The following CNTN5 variants were observed in gnomAD, a reference collection of about 807,000 sequenced individuals.
CNTN5 encodes the protein contactin 5.
A neutral mutation model predicts 129.1 loss-of-function variants in CNTN5; 77 were observed. The ratio of observed to expected loss-of-function variants is 0.60; its 90% CI spans 0.50 to 0.72. The LOEUF is 0.72. Among genes scored for constraint, CNTN5 ranks in the 30% least tolerant of loss-of-function variants. The pLI is 0.00. For missense variants in CNTN5, 1,478 were observed against 1,328.8 expected (o/e 1.11, Z -1.75); for synonymous variants, 509 against 465.6 (o/e 1.09, Z -1.20).
intron 3 of CNTN5, among the ~76,000 whole-genome samples, chr11:99,665,259 A>G (rs1333181685): frequency 6.6e-6 from 1 of 152,166 alleles, no homozygotes; most frequent in African/African-American, 2.4e-5. Flanking sequence ...TCAAAACTGA[A>G]CAATTTTGAT....
chr11:99,148,201 G>T (rs1406566663), intron 1 of CNTN5, among the ~76,000 whole-genome samples: 1 of 152,010 alleles, frequency 6.6e-6, no homozygotes, highest in African/African-American at 2.4e-5. Context: ...AAAATAAATG[G>T]TTCATCAGTG....
chr11:100,070,352 C>T, intron 10 of CNTN5, 72 bp from the exon 11 acceptor site: 3 of 1,441,808 alleles, frequency 2.1e-6, no homozygotes, highest in South Asian at 1.3e-5. Context: ...TGAATTTTTC[C>T]ATGTAAATTT....
At chr11:99,408,682 C>T (rs1942250534) in intron 2 of CNTN5, among the ~76,000 whole-genome samples, 1 of 151,900 alleles carries the variant, frequency 6.6e-6, no homozygotes, top group South Asian at 2.1e-4. Flanking sequence ...ATTATCTTGC[C>T]CCATAAATTA....
intron 1 of CNTN5, among the ~76,000 whole-genome samples, chr11:99,249,614 G>T (rs191850581): frequency 9.9e-5 from 15 of 152,028 alleles, no homozygotes; most frequent in African/African-American, 3.6e-4. Context: ...TTTAAAAAGG[G>T]TATGTTATTT....
intron 15 of CNTN5, among the ~76,000 whole-genome samples, chr11:100,216,224 G>A (rs1445349746): frequency 6.6e-6 from 1 of 152,212 alleles, no homozygotes; most frequent in East Asian, 1.9e-4. Context: ...AAACCTACAG[G>A]CAGGTATCTG....
At chr11:100,350,328 C>G (rs371332348) in intron 23 of CNTN5, among the ~76,000 whole-genome samples, 1 of 151,694 alleles carries the variant, frequency 6.6e-6, no homozygotes, top group African/African-American at 2.4e-5. Context: ...TCCCATATAT[C>G]CCCTCTCCAT....
chr11:99,811,993 C>T (rs1445967954), intron 3 of CNTN5, among the ~76,000 whole-genome samples: 1 of 152,080 alleles, frequency 6.6e-6, no homozygotes, highest in African/African-American at 2.4e-5. Flanking sequence ...GGGTAAGATG[C>T]TAATTATCCG....
chr11:100,141,448 G>T (rs1946695263), intron 13 of CNTN5, among the ~76,000 whole-genome samples: 1 of 152,130 alleles, frequency 6.6e-6, no homozygotes, highest in Non-Finnish European at 1.5e-5. Context: ...GAGCACAGGG[G>T]TGTTCTTTTG....
chr11:100,136,593 A>G (rs1166554723), intron 13 of CNTN5, among the ~76,000 whole-genome samples: 2 of 152,064 alleles, frequency 1.3e-5, no homozygotes, highest in East Asian at 1.9e-4. Flanking sequence ...TACAAAAAAA[A>G]TCATATGAAT....
chr11:99,437,862 G>A (rs939588552), intron 2 of CNTN5, among the ~76,000 whole-genome samples: 3 of 151,964 alleles, frequency 2.0e-5, no homozygotes, highest in Non-Finnish European at 4.4e-5. Flanking sequence ...TAATTTGAAA[G>A]GGTAAAAACT....
intron 3 of CNTN5, among the ~76,000 whole-genome samples, chr11:99,580,377 A>G (rs375097605): frequency 6.6e-6 from 1 of 152,118 alleles, no homozygotes; most frequent in African/African-American, 2.4e-5. Context: ...CTCTTTTTCT[A>G]TTAACTGGAA....
At chr11:99,755,545 T>A (rs1226652615) in intron 3 of CNTN5, among the ~76,000 whole-genome samples, 1 of 152,058 alleles carries the variant, frequency 6.6e-6, no homozygotes, top group Non-Finnish European at 1.5e-5. Context: ...CTTTTGAGAT[T>A]TTTTTCTGTT....
chr11:99,899,243 T>C (rs1949290215), intron 6 of CNTN5, among the ~76,000 whole-genome samples: 2 of 152,018 alleles, frequency 1.3e-5, no homozygotes, highest in African/African-American at 4.8e-5. Context: ...ATAGCTCTGT[T>C]TGGGACTTCC....
intron 3 of CNTN5, among the ~76,000 whole-genome samples, chr11:99,750,822 A>G (rs1420128207): frequency 6.6e-6 from 1 of 152,230 alleles, no homozygotes; most frequent in Non-Finnish European, 1.5e-5. Context: ...ATTTATATTG[A>G]TACTTTTCCA....
intron 3 of CNTN5, among the ~76,000 whole-genome samples, chr11:99,703,227 G>GTTT (rs34131042): frequency 1.2e-4 from 15 of 121,722 alleles, no homozygotes; most frequent in South Asian, 7.7e-4. Context: ...GGTATTTGGG[G>GTTT]TTTTTTTTTT....
intron 2 of CNTN5, among the ~76,000 whole-genome samples, chr11:99,458,879 T>C (rs1437086966): frequency 6.6e-6 from 1 of 151,960 alleles, no homozygotes; most frequent in African/African-American, 2.4e-5. Flanking sequence ...AAGAACCTTA[T>C]GTACTGTAAG....
intron 3 of CNTN5, among the ~76,000 whole-genome samples, chr11:99,616,927 A>G (rs1354200354): frequency 6.6e-6 from 1 of 152,198 alleles, no homozygotes; most frequent in African/African-American, 2.4e-5. Flanking sequence ...CCTGGCCAAC[A>G]TGGCAAAACC....
chr11:99,076,178 A>G (rs1314799069), intron 1 of CNTN5, among the ~76,000 whole-genome samples: 1 of 152,010 alleles, frequency 6.6e-6, no homozygotes. Context: ...CACTGAAAAA[A>G]AAGAAAATTA....
At chr11:99,441,005 G>A (rs1457747075) in intron 2 of CNTN5, among the ~76,000 whole-genome samples, 15 of 152,140 alleles carry the variant, frequency 9.9e-5, no homozygotes, top group Admixed American at 9.8e-4. Flanking sequence ...ATTATTTAGA[G>A]ATGAGGGTCT....
Sources: allele counts gnomAD v4.1 joint callset (sites outside exome capture counted in the v4.1 genomes callset), GRCh38; gene constraint gnomAD v4.1.1; transcripts MANE v1.5; gene names NCBI Gene and HGNC (gene_info 2026-07-23, HGNC 2026-07-21).